The following DPH6 variants were observed in gnomAD, a reference collection of about 807,000 sequenced individuals.
DPH6 encodes the protein diphthine--ammonia ligase.
DPH6 carries 33 observed loss-of-function variants against 38.2 expected under a neutral mutation model. That is an observed-to-expected ratio of 0.86 (90% CI 0.65 to 1.15). The LOEUF (loss-of-function observed/expected upper bound fraction) is 1.15. Ranked by LOEUF, DPH6 falls within the 50% of genes most tolerant of loss-of-function variation. DPH6 has a pLI of 0.00. For missense variants in DPH6, 325 were observed against 320.0 expected (o/e 1.02, Z -0.12); for synonymous variants, 108 against 103.0 (o/e 1.05, Z -0.30).
chr15:35,228,019 A>T (rs1434023403), intron 3 of DPH6, among the ~76,000 whole-genome samples: 1 of 152,130 alleles, frequency 6.6e-6, no homozygotes, highest in Non-Finnish European at 1.5e-5. Flanking sequence ...TGAATGTTTT[A>T]AGACTTATTT....
chr15:35,158,882 A>G, the DPH6 span, among the ~76,000 whole-genome samples: 1 of 151,922 alleles, frequency 6.6e-6, no homozygotes, highest in Non-Finnish European at 1.5e-5. Context: ...TAAAAATCCA[A>G]CTCTCCACCT....
intron 8 of DPH6, among the ~76,000 whole-genome samples, chr15:35,372,827 G>A (rs1322545193): frequency 4.6e-5 from 7 of 151,808 alleles, no homozygotes; most frequent in Non-Finnish European, 1.0e-4. Flanking sequence ...AGACTTGGGG[G>A]AAAGAACACT....
chr15:35,147,726 G>A, the DPH6 span, among the ~76,000 whole-genome samples: 2 of 152,178 alleles, frequency 1.3e-5, no homozygotes, highest in African/African-American at 4.8e-5. Context: ...TTATCTGTGG[G>A]TAGAGTGAGT....
intron 3 of DPH6, among the ~76,000 whole-genome samples, chr15:35,314,962 A>G (rs2052175945): frequency 6.6e-6 from 1 of 152,110 alleles, no homozygotes; most frequent in Non-Finnish European, 1.5e-5. Context: ...GGTCACGGTC[A>G]TTGTTTGGTG....
At chr15:35,338,685 T>C (rs1179423408) in intron 3 of DPH6, among the ~76,000 whole-genome samples, 1 of 152,202 alleles carries the variant, frequency 6.6e-6, no homozygotes, top group East Asian at 1.9e-4. Context: ...TTACTGGGTA[T>C]ATACCCAAAG....
rs538816287 is a variant in DPH6 at position 35,419,939 on chromosome 15, C to A, written c.506-9043G>T. ...TTGAACTACTTTAGGCCAAAGGAACCTAATAGATATTTACAGAACATTCCT... is the reference window on the plus strand; with the variant it reads ...TTGAACTACTTTAGGCCAAAGGAACATAATAGATATTTACAGAACATTCCT... On this transcript the variant is annotated intron_variant, in intron 5 of 8. Transcript: ENST00000256538. Among the ~76,000 whole-genome samples, 7 of 152,182 alleles carry A rather than the reference C, an allele frequency of 4.6e-5. No individual in the cohort carries two copies. In the East Asian group the frequency reaches 1.4e-3, roughly 29 times the overall value.
intron 3 of DPH6, among the ~76,000 whole-genome samples, chr15:35,290,488 G>C (rs1000115312): frequency 3.3e-5 from 5 of 152,186 alleles, no homozygotes; most frequent in African/African-American, 1.2e-4. Flanking sequence ...AGAGGAGCTG[G>C]AGACTTCAAT....
At chr15:35,145,396 A>C in the DPH6 span, among the ~76,000 whole-genome samples, 1 of 152,206 alleles carries the variant, frequency 6.6e-6, no homozygotes, top group Non-Finnish European at 1.5e-5. Context: ...ACTGTCCTAG[A>C]ATTTGGGAAG....
intron 3 of DPH6, among the ~76,000 whole-genome samples, chr15:35,255,582 T>C (rs940764086): frequency 6.6e-6 from 1 of 152,212 alleles, no homozygotes; most frequent in African/African-American, 2.4e-5. Context: ...TCTTTGATCA[T>C]TAGCTAGGTA....
the DPH6 span, among the ~76,000 whole-genome samples, chr15:35,146,872 C>G: frequency 6.6e-6 from 1 of 152,132 alleles, no homozygotes; most frequent in African/African-American, 2.4e-5. Flanking sequence ...ATCAGGCTGT[C>G]CTGATGTCCT....
chr15:35,161,508 T>C, the DPH6 span, among the ~76,000 whole-genome samples: 2 of 151,950 alleles, frequency 1.3e-5, no homozygotes, highest in Non-Finnish European at 2.9e-5. Flanking sequence ...CTCCCTGTTA[T>C]GGACTGAATG....
chr15:35,535,363 A>G lies in DPH6; in HGVS notation c.312+2911T>C, dbSNP rs374809337. Among the ~76,000 whole-genome samples the G allele has an allele frequency of 3.9e-5, 6 of 152,304 alleles. No individual in the cohort carries two copies. The East Asian group carries it at 9.7e-4, about 25-fold the overall frequency. Reference sequence around the variant, plus strand: ...CCAAATCAATAAAATATGAGAGCAGAATAGGAACATTTTCAAAATGGAAAG... The same window carrying G: ...CCAAATCAATAAAATATGAGAGCAGGATAGGAACATTTTCAAAATGGAAAG... On this transcript the variant is annotated intron_variant, in intron 3 of 8. Transcript: ENST00000256538.
At chr15:35,439,722 G>T (rs1041209269) in intron 5 of DPH6, among the ~76,000 whole-genome samples, 1 of 151,592 alleles carries the variant, frequency 6.6e-6, no homozygotes, top group Non-Finnish European at 1.5e-5. Context: ...AAGAAGAGAG[G>T]AGTTCACCCA....
At chr15:35,458,182 G>A (rs1416754470) in intron 3 of DPH6, among the ~76,000 whole-genome samples, 1 of 151,922 alleles carries the variant, frequency 6.6e-6, no homozygotes, top group African/African-American at 2.4e-5. Context: ...TTTATCTACA[G>A]TGGGTTGAAT....
At chr15:35,320,134 A>G (rs1006509145) in intron 3 of DPH6, among the ~76,000 whole-genome samples, 2 of 152,032 alleles carry the variant, frequency 1.3e-5, no homozygotes, top group African/African-American at 4.8e-5. Flanking sequence ...TTTTTCAGAT[A>G]TATTATCTGC....
intron 3 of DPH6, chr15:35,299,443 T>C (rs1160711823): frequency 2.6e-6 from 2 of 779,668 alleles, no homozygotes; most frequent in Non-Finnish European, 4.8e-6. Context: ...AGGGACATCT[T>C]TTCTTCGGTT....
chr15:35,262,376 A>T (rs1351844771), intron 3 of DPH6, among the ~76,000 whole-genome samples: 1 of 152,192 alleles, frequency 6.6e-6, no homozygotes, highest in East Asian at 1.9e-4. Flanking sequence ...AATTTGCCAT[A>T]AGTCTTTAAA....
intron 6 of DPH6, among the ~76,000 whole-genome samples, chr15:35,409,151 A>G (rs749445560): frequency 4.0e-5 from 6 of 151,822 alleles, no homozygotes; most frequent in Non-Finnish European, 8.8e-5. Context: ...GTAAGCAAGG[A>G]TAGGTGTAGG....
the DPH6 span, among the ~76,000 whole-genome samples, chr15:35,162,633 CCTG>C: frequency 6.6e-6 from 1 of 151,676 alleles, no homozygotes; most frequent in African/African-American, 2.4e-5. Context: ...TCTCCCTTAC[CCTG>C]CTTTTTTCTC....
Sources: allele counts gnomAD v4.1 joint callset (sites outside exome capture counted in the v4.1 genomes callset), GRCh38; gene constraint gnomAD v4.1.1; transcripts MANE v1.5; gene names NCBI Gene and HGNC (gene_info 2026-07-23, HGNC 2026-07-21).